Variants in GRIK2 observed in about 807,000 individuals in gnomAD.
The protein encoded by GRIK2 is glutamate receptor ionotropic, kainate 2.
In GRIK2, 32 loss-of-function variants were observed where a neutral mutation model predicts 100.3. The observed-to-expected ratio is 0.32, with a 90% CI of 0.24 to 0.43. The LOEUF is 0.43. GRIK2 is among the 20% of genes least tolerant of loss of function. GRIK2 has a pLI of 1.00. For missense variants in GRIK2, 843 were observed against 1,114.9 expected (o/e 0.76, Z 3.47); for synonymous variants, 417 against 389.4 (o/e 1.07, Z -0.83).
intron 11 of GRIK2, among the ~76,000 whole-genome samples, chr6:101,885,252 G>T (rs1786532570): frequency 6.6e-6 from 1 of 152,048 alleles, no homozygotes; most frequent in Non-Finnish European, 1.5e-5. Context: ...AATTAATGTG[G>T]ATAGAGTATT....
At chr6:101,960,141 C>A (rs1428070031) in intron 14 of GRIK2, among the ~76,000 whole-genome samples, 3 of 145,782 alleles carry the variant, frequency 2.1e-5, no homozygotes, top group Middle Eastern at 6.9e-3. Flanking sequence ...AATGGTAAGG[C>A]TTCCAAATGT....
intron 2 of GRIK2, among the ~76,000 whole-genome samples, chr6:101,533,468 T>G (rs1775540464): frequency 6.6e-6 from 1 of 151,826 alleles, no homozygotes; most frequent in Non-Finnish European, 1.5e-5. Context: ...GAGGCATGAG[T>G]CAAGTTTGGG....
intron 7 of GRIK2, among the ~76,000 whole-genome samples, chr6:101,722,110 T>C (rs1246056028): frequency 6.6e-6 from 1 of 152,026 alleles, no homozygotes; most frequent in Non-Finnish European, 1.5e-5. Context: ...GTTTTATAAT[T>C]GTTATTATTC....
intron 7 of GRIK2, among the ~76,000 whole-genome samples, chr6:101,746,203 A>G (rs181070215): frequency 1.2e-3 from 188 of 152,264 alleles, no homozygotes; most frequent in Admixed American, 2.6e-3. Context: ...TAATCTCTCT[A>G]GCATTTGGTG....
intron 2 of GRIK2, among the ~76,000 whole-genome samples, chr6:101,562,333 TGAG>T (rs1777061114): frequency 6.6e-6 from 1 of 152,000 alleles, no homozygotes; most frequent in South Asian, 2.1e-4. Context: ...TCACACAGTT[TGAG>T]TTTTTGTTTG....
intron 2 of GRIK2, among the ~76,000 whole-genome samples, chr6:101,492,490 C>A (rs2128267905): frequency 6.6e-6 from 1 of 151,934 alleles, no homozygotes; most frequent in East Asian, 1.9e-4. Flanking sequence ...AAAAAAAATT[C>A]TATGAGTTAT....
At chr6:101,909,043 TTGAAATTATTAG>T (rs1480660145) in intron 12 of GRIK2, among the ~76,000 whole-genome samples, 4 of 151,206 alleles carry the variant, frequency 2.6e-5, no homozygotes, top group Admixed American at 2.0e-4. Flanking sequence ...TAAACAGTGT[TTGAAATTATTAG>T]TAAAACCCAA....
At chr6:101,628,953 G>A (rs975722932) in intron 4 of GRIK2, among the ~76,000 whole-genome samples, 1 of 152,050 alleles carries the variant, frequency 6.6e-6, no homozygotes, top group African/African-American at 2.4e-5. Context: ...TTTAATATAT[G>A]TGGGTCTTAA....
At chr6:101,862,393 C>T (rs1400031746) in intron 11 of GRIK2, among the ~76,000 whole-genome samples, 1 of 152,090 alleles carries the variant, frequency 6.6e-6, no homozygotes, top group African/African-American at 2.4e-5. Flanking sequence ...CTTTGAGGAT[C>T]TTACTCCAGC....
At chr6:101,647,493 G>T (rs977298710) in intron 4 of GRIK2, among the ~76,000 whole-genome samples, 10 of 151,892 alleles carry the variant, frequency 6.6e-5, no homozygotes, top group Admixed American at 6.6e-5. Flanking sequence ...TGCACTTTAA[G>T]CCAATATTTT....
intron 14 of GRIK2, chr6:101,993,859 CTAT>C (rs869124466): frequency 6.8e-6 from 1 of 146,888 alleles, no homozygotes; most frequent in African/African-American, 2.5e-5. Context: ...TGTATTTGCT[CTAT>C]TATTTAATAT....
intron 4 of GRIK2, among the ~76,000 whole-genome samples, chr6:101,633,991 T>G (rs1038851433): frequency 3.3e-5 from 5 of 151,348 alleles, no homozygotes; most frequent in South Asian, 2.1e-4. Flanking sequence ...TTTGTGGGGG[T>G]TTTTTTTGGC....
intron 2 of GRIK2, among the ~76,000 whole-genome samples, chr6:101,473,647 C>T (rs1291481056): frequency 2.0e-5 from 3 of 151,706 alleles, no homozygotes; most frequent in Non-Finnish European, 4.4e-5. Context: ...ACTTTTTGTT[C>T]CAGGACCAAA....
intron 11 of GRIK2, among the ~76,000 whole-genome samples, chr6:101,864,355 T>C (rs928774468): frequency 2.0e-5 from 3 of 152,156 alleles, no homozygotes; most frequent in Admixed American, 1.3e-4. Flanking sequence ...TCTGTAGATA[T>C]TAGGCCCCTC....
In GRIK2 at chr6:101,622,022, A is replaced by G; in HGVS notation, c.189A>G (p.Thr63=). ...EELAFRFAVN[T]INRNRTLLPN... Reference sequence around the variant, plus strand: ...TTGCATTCAGATTTGCTGTGAACACAATTAACAGAAACAGAACATTGCTAC... The same window carrying G: ...TTGCATTCAGATTTGCTGTGAACACGATTAACAGAAACAGAACATTGCTAC... The change falls in exon 3 of 17, where the codon ACA becomes ACG. Residue 63 remains threonine (T), a synonymous_variant. Coordinates refer to ENST00000369134, the MANE Select transcript of GRIK2 (RefSeq NM_021956.5). 6.2e-7 allele frequency: 1 copy of G among 1,603,490 alleles called. No homozygotes were observed. The highest frequency in any genetic ancestry group is 8.5e-7 in the Non-Finnish European group (1 of 1,170,436).
chr6:101,876,001 TTATGTGTTTG>T (rs1435095690), intron 11 of GRIK2, among the ~76,000 whole-genome samples: 1 of 143,400 alleles, frequency 7.0e-6, no homozygotes, highest in African/African-American at 2.8e-5. Flanking sequence ...TATTGTGTGT[TTATGTGTTTG>T]TGTGTGTGTG....
At position 101,922,978 on chromosome 6, in the gene GRIK2, A is replaced by G. The variant is rs573591576; in HGVS notation, c.1749-1623A>G. ...AATGTCTAAAACCAAAGCTAGTTCT[A>G]TTTCAGTCAGACACAACAAATCAAC... On this transcript the variant is annotated intron_variant, in intron 12 of 16. Coordinates refer to ENST00000369134, the MANE Select transcript of GRIK2 (RefSeq NM_021956.5). 7.2e-5 allele frequency among the ~76,000 whole-genome samples: 11 copies of G among 152,330 alleles called. 1 individual carries two copies. In the South Asian group the frequency reaches 1.7e-3, roughly 23 times the overall value.
chr6:101,891,290 G>A (rs894627124), intron 12 of GRIK2, among the ~76,000 whole-genome samples: 19 of 151,738 alleles, frequency 1.3e-4, no homozygotes, highest in African/African-American at 4.1e-4. Context: ...AGGCCAAGGC[G>A]GGCGGATCAC....
At chr6:101,945,727 A>G (rs908432192) in intron 14 of GRIK2, among the ~76,000 whole-genome samples, 2 of 152,150 alleles carry the variant, frequency 1.3e-5, no homozygotes, top group African/African-American at 4.8e-5. Flanking sequence ...AAATCAACAT[A>G]ACTCCTCTGT....
Sources: gnomAD v4.1 joint callset for allele counts (sites outside exome capture counted in the v4.1 genomes callset) on GRCh38, gnomAD v4.1.1 for gene constraint, MANE v1.5 for transcripts, NCBI Gene and HGNC (gene_info 2026-07-23, HGNC 2026-07-21) for gene names.